PSEN1: variants seen among roughly 807,000 people sequenced by gnomAD.
PSEN1 encodes the protein presenilin-1.
Under a neutral mutation model 53.5 loss-of-function variants are expected in PSEN1, and 15 were observed. The ratio of observed to expected loss-of-function variants is 0.28; its 90% CI spans 0.19 to 0.43. The LOEUF (loss-of-function observed/expected upper bound fraction) is 0.43, where lower values mean the gene tolerates loss of function less well. Ranked by LOEUF, PSEN1 falls within the 20% of genes least tolerant of loss-of-function variation. PSEN1 has a pLI of 1.00. For missense variants in PSEN1, 387 were observed against 571.2 expected (o/e 0.68, Z 3.29); for synonymous variants, 208 against 209.8 (o/e 0.99, Z 0.08).
In PSEN1 at chr14:73,221,499, G is replaced by A. The variant is rs1172686842; in HGVS notation, c.*2210G>A. The A allele has an allele frequency of 6.6e-6, 1 of 152,078 alleles. No individual in the cohort carries two copies. Among genetic ancestry groups the A allele is most frequent in the African/African-American group, 2.4e-5 (1 of 41,390 alleles). 9.4% of individuals were successfully genotyped at this position (152,078 alleles called of 1,614,324 possible). On this transcript the variant is annotated 3_prime_UTR_variant, in exon 12 of 12. Transcript: ENST00000324501. ...TCCTATGTATTACTGATTGTCCTGT[G>A]TAGAAAGATGGCAATTATTCTGTCT...
chr14:73,167,950 C>A (rs1205223491), intron 3 of PSEN1: 1 of 151,016 alleles, frequency 6.6e-6, no homozygotes, highest in African/African-American at 2.4e-5. Context: ...TGGCTAAATT[C>A]CACCCTTAAA....
intron 3 of PSEN1, among the ~76,000 whole-genome samples, chr14:73,156,675 T>G (rs1374906476): frequency 6.6e-6 from 1 of 151,870 alleles, no homozygotes; most frequent in Non-Finnish European, 1.5e-5. Context: ...GTTTGTTTTT[T>G]TTTTTGAGAT....
intron 5 of PSEN1, among the ~76,000 whole-genome samples, chr14:73,178,823 A>G (rs1035727719): frequency 6.6e-6 from 1 of 151,990 alleles, no homozygotes; most frequent in Non-Finnish European, 1.5e-5. Context: ...TTATTGGCCA[A>G]TTGATCTGAT....
At chr14:73,179,578 C>G (rs1452506789) in intron 5 of PSEN1, among the ~76,000 whole-genome samples, 1 of 152,144 alleles carries the variant, frequency 6.6e-6, no homozygotes, top group African/African-American at 2.4e-5. Flanking sequence ...GATCGTGCCA[C>G]TGCACTCCAG....
chr14:73,165,006 GAGTAC>G (rs1044482551), intron 3 of PSEN1, among the ~76,000 whole-genome samples: 1 of 152,038 alleles, frequency 6.6e-6, no homozygotes, highest in African/African-American at 2.4e-5. Flanking sequence ...ACCCAGGTTG[GAGTAC>G]AGTGGCACGA....
chr14:73,198,937 C>T (rs1899067236), intron 8 of PSEN1, among the ~76,000 whole-genome samples: 1 of 152,072 alleles, frequency 6.6e-6, no homozygotes, highest in Admixed American at 6.6e-5. Flanking sequence ...CCAGGCCTGG[C>T]TAATTTTTTT....
chr14:73,152,061 G>A (rs907927537), intron 3 of PSEN1, among the ~76,000 whole-genome samples: 1 of 150,332 alleles, frequency 6.7e-6, no homozygotes, highest in Non-Finnish European at 1.5e-5. Context: ...ACAGGCGCCC[G>A]CCACCATGCC....
At chr14:73,214,881 A>T (rs756889718) in intron 10 of PSEN1, among the ~76,000 whole-genome samples, 60 of 152,194 alleles carry the variant, frequency 3.9e-4, no homozygotes, top group Non-Finnish European at 5.4e-4. Flanking sequence ...CAATGATACG[A>T]TTATACCTAG....
chr14:73,165,019 C>T (rs888561968), intron 3 of PSEN1, among the ~76,000 whole-genome samples: 3 of 152,056 alleles, frequency 2.0e-5, no homozygotes, highest in Admixed American at 6.5e-5. Flanking sequence ...TACAGTGGCA[C>T]GATCTTGGCT....
At chr14:73,184,864 G>A (rs1898426000) in intron 5 of PSEN1, among the ~76,000 whole-genome samples, 1 of 151,474 alleles carries the variant, frequency 6.6e-6, no homozygotes, top group South Asian at 2.1e-4. Context: ...CGGCTGCCGG[G>A]CGGAGGGGCT....
chr14:73,193,169 G>T (rs1374711468), intron 7 of PSEN1, among the ~76,000 whole-genome samples: 1 of 152,006 alleles, frequency 6.6e-6, no homozygotes, highest in African/African-American at 2.4e-5. Flanking sequence ...AATTAGCCGG[G>T]CATGGTGGTG....
chr14:73,165,504 G>C lies in PSEN1; in HGVS notation c.88-5293G>C, dbSNP rs1594989051. Among the ~76,000 whole-genome samples, 4 of 151,968 alleles carry C rather than the reference G, an allele frequency of 2.6e-5. No individual in the cohort carries two copies. In the South Asian group the frequency reaches 8.3e-4, roughly 32 times the overall value. On this transcript the variant is annotated intron_variant, in intron 3 of 11. Transcript: ENST00000324501. ...CTCACGCCTTCAATCCCAGCACTTT[G>C]GGAGGCCGAGGTGGGCGGATCACCT...
At chr14:73,194,146 CTG>C (rs1898839719) in intron 7 of PSEN1, among the ~76,000 whole-genome samples, 1 of 152,294 alleles carries the variant, frequency 6.6e-6, no homozygotes, top group South Asian at 2.1e-4. Context: ...GGTACGTACT[CTG>C]TGGCTGTTGC....
At chr14:73,163,104 TAC>T (rs1316852229) in intron 3 of PSEN1, among the ~76,000 whole-genome samples, 10 of 152,358 alleles carry the variant, frequency 6.6e-5, no homozygotes, top group African/African-American at 2.2e-4. Context: ...TTAGACAGAA[TAC>T]AGTCTTTAAA....
chr14:73,154,744 A>G (rs929324975), intron 3 of PSEN1, among the ~76,000 whole-genome samples: 5 of 152,348 alleles, frequency 3.3e-5, no homozygotes, highest in African/African-American at 1.2e-4. Flanking sequence ...AACTTAACTC[A>G]GTAGCAAAGG....
chr14:73,211,746 G>A (rs754391762), intron 9 of PSEN1, 23 bp from the exon 10 acceptor site: 2 of 1,613,602 alleles, frequency 1.2e-6, no homozygotes, highest in African/African-American at 1.3e-5. Context: ...TATTAGAGCT[G>A]TAACTTCCAC....
chr14:73,217,218 A>G lies in PSEN1; in HGVS notation c.1222A>G (p.Ile408Val), dbSNP rs759384156. 1.2e-6 allele frequency: 2 copies of G among 1,614,122 alleles called. No individual in the cohort carries two copies. The highest frequency in any genetic ancestry group is 1.7e-6 in the Non-Finnish European group (2 of 1,179,950). Residue 408 changes from isoleucine (I) to valine (V), a missense_variant, in exon 11 of 12, where the codon ATA becomes GTA. Ile to Val is a conservative substitution (Grantham distance 29). Coordinates refer to ENST00000324501, the MANE Select transcript of PSEN1 (RefSeq NM_000021.4). Reference sequence around the variant, plus strand: ...AGCCAGTGGAGACTGGAACACAACCATAGCCTGTTTCGTAGCCATATTAAT... The same window carrying G: ...AGCCAGTGGAGACTGGAACACAACCGTAGCCTGTTTCGTAGCCATATTAAT... ...ATASGDWNTT[I>V]ACFVAILIGL... is the part of the protein sequence containing the mutation.
At chr14:73,196,297 C>T (rs1898935104) in intron 7 of PSEN1, among the ~76,000 whole-genome samples, 2 of 151,900 alleles carry the variant, frequency 1.3e-5, no homozygotes, top group Admixed American at 1.3e-4. Flanking sequence ...CTCATCACTT[C>T]AGAGCAGGGC....
In PSEN1 at chr14:73,220,875, CCTT is replaced by C. The variant is rs1900106159; in HGVS notation, c.*1590_*1592del. The C allele has an allele frequency of 1.3e-5, 2 of 152,154 alleles. No individual in the cohort carries two copies. Among genetic ancestry groups the C allele is most frequent in the African/African-American group, 2.4e-5 (1 of 41,418 alleles). 9.4% of individuals were successfully genotyped at this position (152,154 alleles called of 1,614,324 possible). A position where few individuals can be genotyped will look rare whatever the true frequency, so the allele number is the denominator to read the frequency against. ...CTGGACAAAGGCTTGTGGGGCATAA[CCTT>C]CTTTACCACAGAGAGCCCTTAGCTA... On this transcript the variant is annotated 3_prime_UTR_variant, in exon 12 of 12. Transcript: ENST00000324501.
Sources: gnomAD v4.1 joint callset for allele counts (sites outside exome capture counted in the v4.1 genomes callset) on GRCh38, gnomAD v4.1.1 for gene constraint, MANE v1.5 for transcripts, NCBI Gene and HGNC (gene_info 2026-07-23, HGNC 2026-07-21) for gene names.